NKAIN2: variants seen among roughly 807,000 people sequenced by gnomAD.
NKAIN2 encodes sodium/potassium-transporting ATPase subunit beta-1-interacting protein 2.
In NKAIN2, 14 loss-of-function variants were observed where a neutral mutation model predicts 32.6. That is an observed-to-expected ratio of 0.43 (90% CI 0.28 to 0.67). The LOEUF (loss-of-function observed/expected upper bound fraction) is 0.67. Among genes scored for constraint, NKAIN2 ranks in the 30% least tolerant of loss-of-function variants. The pLI is 0.17. For missense variants in NKAIN2, 198 were observed against 258.3 expected, an observed-to-expected ratio of 0.77 and a Z score of 1.60; for synonymous variants, 80 against 87.2, an observed-to-expected ratio of 0.92 and a Z score of 0.46.
chr6:124,696,474 T>G (rs375753406), intron 4 of NKAIN2, among the ~76,000 whole-genome samples: 1 of 152,136 alleles, frequency 6.6e-6, no homozygotes, highest in Non-Finnish European at 1.5e-5. Flanking sequence ...TCCCATGCCC[T>G]GAGACCTGCG....
chr6:124,024,409 T>C (rs183772475), intron 1 of NKAIN2, among the ~76,000 whole-genome samples: 38 of 152,270 alleles, frequency 2.5e-4, no homozygotes, highest in African/African-American at 8.9e-4. Context: ...CGTCGGCCTC[T>C]CCCACTGCTA....
At chr6:124,385,018 T>C (rs983541855) in intron 3 of NKAIN2, among the ~76,000 whole-genome samples, 3 of 152,156 alleles carry the variant, frequency 2.0e-5, no homozygotes, top group African/African-American at 7.2e-5. Flanking sequence ...GAATCATTAA[T>C]TTCACTTTTG....
At chr6:124,759,764 C>T (rs1778170653) in intron 4 of NKAIN2, among the ~76,000 whole-genome samples, 1 of 151,692 alleles carries the variant, frequency 6.6e-6, no homozygotes, top group South Asian at 2.1e-4. Flanking sequence ...ATATATTTCC[C>T]AATGCAACAG....
intron 1 of NKAIN2, among the ~76,000 whole-genome samples, chr6:124,103,689 G>A (rs528601903): frequency 3.3e-5 from 5 of 152,198 alleles, no homozygotes; most frequent in Admixed American, 2.0e-4. Context: ...AGCATTAAAA[G>A]GTTTTTTTGT....
intron 4 of NKAIN2, among the ~76,000 whole-genome samples, chr6:124,708,710 G>C (rs1262966263): frequency 1.3e-5 from 2 of 152,114 alleles, no homozygotes; most frequent in Admixed American, 6.5e-5. Context: ...CTTTGCTGAA[G>C]TTGCTTATCA....
intron 4 of NKAIN2, among the ~76,000 whole-genome samples, chr6:124,680,201 A>AAATC (rs1197979402): frequency 4.6e-5 from 7 of 152,196 alleles, no homozygotes; most frequent in African/African-American, 1.7e-4. Flanking sequence ...AAGAAAGAAT[A>AAATC]AATCAATCAA....
intron 4 of NKAIN2, among the ~76,000 whole-genome samples, chr6:124,785,740 C>T (rs1229905031): frequency 1.3e-5 from 2 of 152,148 alleles, no homozygotes; most frequent in Non-Finnish European, 2.9e-5. Flanking sequence ...CTTATTACTG[C>T]TCCAAGGTGG....
intron 1 of NKAIN2, among the ~76,000 whole-genome samples, chr6:124,163,861 CAGTT>C (rs1273818440): frequency 1.2e-4 from 19 of 152,092 alleles, no homozygotes; most frequent in Admixed American, 1.2e-3. Flanking sequence ...TGGAAAAGAA[CAGTT>C]AGTCTCCATT....
chr6:124,507,918 C>T (rs1489105165), intron 3 of NKAIN2, among the ~76,000 whole-genome samples: 2 of 152,046 alleles, frequency 1.3e-5, no homozygotes, highest in African/African-American at 2.4e-5. Context: ...GAAACAGACT[C>T]AAGAATTTAA....
intron 1 of NKAIN2, among the ~76,000 whole-genome samples, chr6:123,864,229 A>G (rs1283332296): frequency 6.6e-6 from 1 of 152,192 alleles, no homozygotes; most frequent in Non-Finnish European, 1.5e-5. Context: ...ACTGAAATTG[A>G]TTCTAGTGTT....
At chr6:124,586,212 A>G (rs1161952732) in intron 3 of NKAIN2, among the ~76,000 whole-genome samples, 2 of 152,168 alleles carry the variant, frequency 1.3e-5, no homozygotes, top group Non-Finnish European at 2.9e-5. Context: ...TACCACATAT[A>G]TAGCTAAAAT....
chr6:123,843,037 T>G (rs1226641314), intron 1 of NKAIN2, among the ~76,000 whole-genome samples: 2 of 152,172 alleles, frequency 1.3e-5, no homozygotes, highest in Non-Finnish European at 2.9e-5. Flanking sequence ...CTGGCAGGAA[T>G]GAACCCTGTA....
intron 3 of NKAIN2, among the ~76,000 whole-genome samples, chr6:124,481,137 A>T (rs1269746897): frequency 6.7e-6 from 1 of 149,946 alleles, no homozygotes; most frequent in Non-Finnish European, 1.5e-5. Context: ...TAAACTGTTT[A>T]TTAGTCATTG....
At chr6:124,405,077 C>T (rs1323720356) in intron 3 of NKAIN2, among the ~76,000 whole-genome samples, 1 of 152,154 alleles carries the variant, frequency 6.6e-6, no homozygotes, top group Non-Finnish European at 1.5e-5. Context: ...GTGTCCACTG[C>T]ACTACTTTTG....
chr6:124,624,673 C>T (rs1175820393), intron 3 of NKAIN2, among the ~76,000 whole-genome samples: 3 of 152,172 alleles, frequency 2.0e-5, no homozygotes, highest in South Asian at 2.1e-4. Flanking sequence ...AACAGAATTA[C>T]ACTTTTTAGG....
chr6:124,482,128 T>C (rs1453953078), intron 3 of NKAIN2, among the ~76,000 whole-genome samples: 1 of 152,036 alleles, frequency 6.6e-6, no homozygotes, highest in Admixed American at 6.6e-5. Flanking sequence ...CCAAAGCAAA[T>C]TAAACTGGCT....
chr6:124,814,078 A>ACCT (rs1781033861), intron 5 of NKAIN2, among the ~76,000 whole-genome samples: 1 of 152,200 alleles, frequency 6.6e-6, no homozygotes, highest in Admixed American at 6.5e-5. Flanking sequence ...AGGAAAAAAT[A>ACCT]CCTCTACCTC....
intron 3 of NKAIN2, among the ~76,000 whole-genome samples, chr6:124,441,438 G>A (rs1253054885): frequency 6.6e-6 from 1 of 152,044 alleles, no homozygotes; most frequent in Non-Finnish European, 1.5e-5. Context: ...GACACTGGCA[G>A]GAGTGAAGTT....
chr6:124,570,100 G>T (rs1781069760), intron 3 of NKAIN2, among the ~76,000 whole-genome samples: 2 of 152,166 alleles, frequency 1.3e-5, no homozygotes, highest in Non-Finnish European at 2.9e-5. Context: ...CTAGAGATTT[G>T]TGGAACTTTG....
Sources: gnomAD v4.1 joint callset for allele counts (sites outside exome capture counted in the v4.1 genomes callset) on GRCh38, gnomAD v4.1.1 for gene constraint, MANE v1.5 for transcripts, NCBI Gene and HGNC (gene_info 2026-07-23, HGNC 2026-07-21) for gene names.